The following MGAT4C variants were observed in gnomAD, a reference collection of about 807,000 sequenced individuals.
MGAT4C encodes MGAT4 family member C, also known as alpha-1,3-mannosyl-glycoprotein 4-beta-N-acetylglucosaminyltransferase C.
A neutral mutation model predicts 40.1 loss-of-function variants in MGAT4C; 19 were observed. The observed-to-expected ratio is 0.47, with a 90% confidence interval of 0.33 to 0.70. The LOEUF is 0.70. Among genes scored for constraint, MGAT4C ranks in the 30% least tolerant of loss-of-function variants. The pLI is 0.02. For missense variants in MGAT4C, 491 were observed against 563.2 expected, an observed-to-expected ratio of 0.87 and a Z score of 1.30; for synonymous variants, 181 against 187.1, an observed-to-expected ratio of 0.97 and a Z score of 0.27.
intron 2 of MGAT4C, among the ~76,000 whole-genome samples, chr12:86,527,055 T>A (rs573273908): frequency 6.6e-6 from 1 of 152,188 alleles, no homozygotes; most frequent in Non-Finnish European, 1.5e-5. Flanking sequence ...CCACTCTTGG[T>A]GCATTCCTTC....
Position 86,085,880 on chromosome 12 carries a change from T to C in MGAT4C, c.-56-36157A>G, listed in dbSNP as rs572919499. Among the ~76,000 whole-genome samples, 9 of 152,060 alleles carry C rather than the reference T, an allele frequency of 5.9e-5. No individual in the cohort carries two copies. In the South Asian group the frequency reaches 1.5e-3, roughly 25 times the overall value. On this transcript the variant is annotated intron_variant, in intron 1 of 4. Coordinates refer to ENST00000611864, the MANE Select transcript of MGAT4C (RefSeq NM_001351288.2). The stretch of plus-strand genomic sequence containing the variant: ...AGTTAGAATGATGATCATTAAAAAG[T>C]CAGGAAACAACAGATGCTGGAGAGG...
chr12:86,542,128 A>G (rs1171188616), intron 2 of MGAT4C, among the ~76,000 whole-genome samples: 1 of 152,216 alleles, frequency 6.6e-6, no homozygotes, highest in African/African-American at 2.4e-5. Context: ...GAAAACTTGT[A>G]GGATCCCACC....
At chr12:86,767,628 G>A (rs1249755117) in intron 1 of MGAT4C, among the ~76,000 whole-genome samples, 2 of 152,128 alleles carry the variant, frequency 1.3e-5, no homozygotes, top group Non-Finnish European at 2.9e-5. Context: ...TAAAATACTG[G>A]CAAACCGAAT....
intron 2 of MGAT4C, among the ~76,000 whole-genome samples, chr12:86,639,563 T>G (rs1364921003): frequency 2.0e-5 from 3 of 151,710 alleles, no homozygotes; most frequent in Non-Finnish European, 4.4e-5. Flanking sequence ...TTATTTGATT[T>G]TATAAAATAA....
chr12:86,624,234 G>C (rs1043048300), intron 2 of MGAT4C, among the ~76,000 whole-genome samples: 2 of 152,158 alleles, frequency 1.3e-5, no homozygotes, highest in Admixed American at 6.5e-5. Flanking sequence ...GTCCACAGGG[G>C]ACTCTGAGTA....
intron 2 of MGAT4C, among the ~76,000 whole-genome samples, chr12:86,508,934 A>G (rs1958521210): frequency 1.3e-5 from 2 of 150,214 alleles, no homozygotes; most frequent in African/African-American, 4.9e-5. Flanking sequence ...AATTTGTTTG[A>G]GTTCATTGTA....
intron 1 of MGAT4C, among the ~76,000 whole-genome samples, chr12:86,053,889 T>C (rs1893130467): frequency 6.6e-6 from 1 of 151,874 alleles, no homozygotes; most frequent in African/African-American, 2.4e-5. Flanking sequence ...AAATTCATGA[T>C]GAGTTATCAC....
intron 2 of MGAT4C, among the ~76,000 whole-genome samples, chr12:86,712,426 T>C (rs1279372116): frequency 6.6e-6 from 1 of 152,114 alleles, no homozygotes. Context: ...ACAGTTTGTA[T>C]AAGTCAACAG....
chr12:86,114,643 T>C (rs1029860251), intron 1 of MGAT4C, among the ~76,000 whole-genome samples: 3 of 151,934 alleles, frequency 2.0e-5, no homozygotes, highest in East Asian at 3.9e-4. Flanking sequence ...TAATTTATTT[T>C]ACTCGTGCCA....
At chr12:86,646,590 G>T (rs1034948382) in intron 2 of MGAT4C, among the ~76,000 whole-genome samples, 1 of 151,698 alleles carries the variant, frequency 6.6e-6, no homozygotes, top group Non-Finnish European at 1.5e-5. Context: ...ATTTTATGCG[G>T]CCCTGGCTAT....
intron 2 of MGAT4C, among the ~76,000 whole-genome samples, chr12:86,690,722 T>G (rs1950158058): frequency 1.3e-5 from 2 of 152,170 alleles, no homozygotes; most frequent in African/African-American, 2.4e-5. Flanking sequence ...CACTAGGAAC[T>G]GCAGACCGGA....
chr12:86,315,521 T>C (rs1460943098), intron 4 of MGAT4C, among the ~76,000 whole-genome samples: 1 of 146,012 alleles, frequency 6.8e-6, no homozygotes, highest in Non-Finnish European at 1.5e-5. Context: ...GCTAACACGG[T>C]GAAACCCCGT....
chr12:86,117,197 G>A (rs1005494492), intron 1 of MGAT4C, among the ~76,000 whole-genome samples: 1 of 152,096 alleles, frequency 6.6e-6, no homozygotes, highest in Admixed American at 6.6e-5. Context: ...CAGGGCATAA[G>A]TTATCTTGAG....
chr12:86,623,092 G>T (rs975640254), intron 2 of MGAT4C, among the ~76,000 whole-genome samples: 1 of 152,114 alleles, frequency 6.6e-6, no homozygotes, highest in Admixed American at 6.6e-5. Context: ...GAGCATTAGT[G>T]AACTCCATGG....
chr12:86,763,530 C>G (rs1015111948), intron 1 of MGAT4C, among the ~76,000 whole-genome samples: 6 of 152,188 alleles, frequency 3.9e-5, no homozygotes, highest in Admixed American at 3.3e-4. Flanking sequence ...TCATTTTATA[C>G]ATCTTTGTAT....
chr12:86,520,537 T>C (rs185462678), intron 2 of MGAT4C, among the ~76,000 whole-genome samples: 43 of 152,290 alleles, frequency 2.8e-4, no homozygotes, highest in African/African-American at 1.0e-3. Context: ...AATGAACATA[T>C]GTGTGCATGT....
chr12:86,624,173 T>A (rs888308779), intron 2 of MGAT4C, among the ~76,000 whole-genome samples: 1 of 152,136 alleles, frequency 6.6e-6, no homozygotes, highest in Non-Finnish European at 1.5e-5. Context: ...TGATACCAAC[T>A]GAGGCAAGGG....
intron 2 of MGAT4C, among the ~76,000 whole-genome samples, chr12:86,542,573 C>A (rs971294914): frequency 6.6e-6 from 1 of 152,134 alleles, no homozygotes; most frequent in African/African-American, 2.4e-5. Flanking sequence ...TAATACATAT[C>A]TTTTCCTCTC....
chr12:86,131,521 T>G (rs1280446653), intron 1 of MGAT4C, among the ~76,000 whole-genome samples: 4 of 152,098 alleles, frequency 2.6e-5, no homozygotes, highest in Non-Finnish European at 4.4e-5. Flanking sequence ...TATGCTGAAT[T>G]TGGCATTTAT....
Sources: allele counts gnomAD v4.1 joint callset (sites outside exome capture counted in the v4.1 genomes callset), GRCh38; gene constraint gnomAD v4.1.1; transcripts MANE v1.5; gene names NCBI Gene and HGNC (gene_info 2026-07-23, HGNC 2026-07-21).